Variants in MEGF11 observed in about 807,000 individuals in gnomAD.
The protein encoded by MEGF11 is multiple EGF like domains 11, also known as multiple epidermal growth factor-like domains protein 11.
MEGF11 carries 126 observed loss-of-function variants against 146.6 expected under a neutral mutation model. The observed-to-expected ratio is 0.86, with a 90% CI of 0.74 to 1.00. MEGF11 has a LOEUF of 1.00. MEGF11 is among the 50% of genes least tolerant of loss of function. The probability of loss-of-function intolerance (pLI) is 0.00; values close to 1 mark genes in which losing one functional copy is unlikely to be tolerated. For missense variants in MEGF11, 1,509 were observed against 1,521.2 expected, an observed-to-expected ratio of 0.99 and a Z score of 0.13; for synonymous variants, 532 against 583.4, an observed-to-expected ratio of 0.91 and a Z score of 1.27.
At chr15:66,138,040 G>A (rs187698570) in intron 1 of MEGF11, among the ~76,000 whole-genome samples, 24 of 152,242 alleles carry the variant, frequency 1.6e-4, no homozygotes, top group Non-Finnish European at 2.9e-4. Context: ...TCCAACCTGC[G>A]TGAGATGGCA....
intron 1 of MEGF11, among the ~76,000 whole-genome samples, chr15:66,242,508 A>AAGGGAGGG (rs1356280485): frequency 7.9e-6 from 1 of 126,762 alleles, no homozygotes; most frequent in Admixed American, 8.2e-5. Flanking sequence ...GGAGGGAGGG[A>AAGGGAGGG]AGGGAGGGAG....
chr15:66,032,206 C>T (rs778879385), intron 5 of MEGF11, among the ~76,000 whole-genome samples: 1 of 152,230 alleles, frequency 6.6e-6, no homozygotes, highest in Non-Finnish European at 1.5e-5. Context: ...GTGCCATGCT[C>T]TTGAACTTCC....
intron 5 of MEGF11, among the ~76,000 whole-genome samples, chr15:66,053,231 A>G (rs902653024): frequency 1.3e-5 from 2 of 152,196 alleles, no homozygotes; most frequent in Non-Finnish European, 2.9e-5. Context: ...ATGATTTTTC[A>G]TATCCTTTGT....
chr15:66,076,203 A>AGGATGGATGGAT (rs55758771), intron 5 of MEGF11, among the ~76,000 whole-genome samples: 13 of 148,800 alleles, frequency 8.7e-5, no homozygotes, highest in African/African-American at 1.2e-4. Flanking sequence ...ACTGACAGAC[A>AGGATGGATGGAT]GGATGGATGG....
chr15:65,917,998 A>G lies in MEGF11; in HGVS notation c.2054T>C (p.Phe685Ser). 1 of 1,614,026 alleles carries G rather than the reference A, an allele frequency of 6.2e-7. No individual in the cohort carries two copies. Among genetic ancestry groups the G allele is most frequent in the Non-Finnish European group, 8.5e-7 (1 of 1,179,888 alleles). The change falls in exon 16 of 26, where the codon TTT becomes TCT. Residue 685 changes from phenylalanine to serine, a missense_variant. Physicochemically the swap from Phe to Ser is radical, Grantham distance 155. Coordinates refer to ENST00000395614, the MANE Select transcript of MEGF11 (RefSeq NM_001385028.1). ...GCAGTCCTTGCCAATCCATCCAGGAAAGCACTGGCAGGAGCCATCGATAGG... is the reference window on the plus strand; with the variant it reads ...GCAGTCCTTGCCAATCCATCCAGGAGAGCACTGGCAGGAGCCATCGATAGG... ...CSPIDGSCQCFPGWIGKDCSQ... is the reference protein window; with the variant it reads ...CSPIDGSCQCSPGWIGKDCSQ...
chr15:66,057,856 C>A (rs557959836), intron 5 of MEGF11, among the ~76,000 whole-genome samples: 1 of 152,334 alleles, frequency 6.6e-6, no homozygotes, highest in East Asian at 1.9e-4. Flanking sequence ...CGAAAACCCC[C>A]TTTCAGCAGG....
At chr15:66,222,583 A>G (rs183591145) in intron 1 of MEGF11, among the ~76,000 whole-genome samples, 149 of 152,320 alleles carry the variant, frequency 9.8e-4, no homozygotes, top group African/African-American at 3.3e-3. Context: ...ACCGGGTCTC[A>G]TTCATCCTGG....
intron 11 of MEGF11, 138 bp downstream of exon 11, chr15:65,930,685 C>T (rs2079544904): frequency 9.1e-7 from 1 of 1,095,758 alleles, no homozygotes; most frequent in Non-Finnish European, 1.3e-6. Context: ...TGCCTGGAAC[C>T]CAACCAATAT....
At chr15:66,147,269 C>A (rs2089408592) in intron 1 of MEGF11, among the ~76,000 whole-genome samples, 1 of 152,204 alleles carries the variant, frequency 6.6e-6, no homozygotes, top group African/African-American at 2.4e-5. Flanking sequence ...CAAATGGCAC[C>A]TTACATGGTT....
intron 10 of MEGF11, among the ~76,000 whole-genome samples, chr15:65,944,898 GTT>G (rs35017817): frequency 1.6e-4 from 21 of 134,288 alleles, no homozygotes; most frequent in Non-Finnish European, 2.9e-4. Flanking sequence ...AAACTCTCAG[GTT>G]TTTTTTTTTT....
intron 13 of MEGF11, among the ~76,000 whole-genome samples, chr15:65,924,373 T>TGGG (rs72309249): frequency 1.5e-4 from 6 of 41,094 alleles, no homozygotes; most frequent in African/African-American, 4.4e-4. Context: ...GGGGTGTGGG[T>TGGG]GGGGGGGGGG....
At chr15:66,245,854 C>G in intron 1 of MEGF11, among the ~76,000 whole-genome samples, 1 of 152,200 alleles carries the variant, frequency 6.6e-6, no homozygotes, top group Non-Finnish European at 1.5e-5. Context: ...GCACTATGCT[C>G]TGAGGATGGC....
chr15:66,010,220 T>G, intron 5 of MEGF11, among the ~76,000 whole-genome samples: 1 of 144,004 alleles, frequency 6.9e-6, no homozygotes, highest in African/African-American at 2.6e-5. Context: ...TTTGAGACAG[T>G]CTCACTCTAT....
intron 5 of MEGF11, among the ~76,000 whole-genome samples, chr15:66,030,974 TTTAGGTCCTGCC>T (rs2083493723): frequency 1.3e-5 from 2 of 152,282 alleles, no homozygotes; most frequent in African/African-American, 4.8e-5. Flanking sequence ...TTTAGTAGGA[TTTAGGTCCTGCC>T]TGCACTTGCC....
intron 5 of MEGF11, among the ~76,000 whole-genome samples, chr15:66,070,022 G>A (rs1018224951): frequency 6.6e-6 from 1 of 152,196 alleles, no homozygotes; most frequent in Admixed American, 6.5e-5. Context: ...TTAGGGCGTG[G>A]CCTAGGCTCC....
intron 4 of MEGF11, among the ~76,000 whole-genome samples, chr15:66,100,175 A>G (rs1041289855): frequency 2.6e-5 from 4 of 152,072 alleles, no homozygotes; most frequent in African/African-American, 4.8e-5. Flanking sequence ...TCACTCTACC[A>G]GTGTTTACCG....
chr15:65,918,030 G>C lies in MEGF11; in HGVS notation c.2022C>G (p.Thr674=), dbSNP rs769319247. 6.2e-7 allele frequency: 1 copy of C among 1,614,020 alleles called. No individual in the cohort carries two copies. The highest frequency in any genetic ancestry group is 8.5e-7 in the Non-Finnish European group (1 of 1,179,894). ...AQLCSCANNG[T]CSPIDGSCQC... ...GGCAGGAGCCATCGATAGGGCTGCA[G>C]GTCCCGTTGTTGGCACAGGAGCAGA... Residue 674 remains threonine (T), a synonymous_variant, in exon 16 of 26, where the codon ACC becomes ACG. Transcript: ENST00000395614.
At chr15:65,977,898 C>T (rs1230727160) in intron 7 of MEGF11, among the ~76,000 whole-genome samples, 2 of 152,186 alleles carry the variant, frequency 1.3e-5, no homozygotes, top group African/African-American at 4.8e-5. Context: ...TCACATGAAA[C>T]TACTCAGACT....
At chr15:66,018,831 C>CT (rs2082990585) in intron 5 of MEGF11, among the ~76,000 whole-genome samples, 1 of 152,190 alleles carries the variant, frequency 6.6e-6, no homozygotes, top group Non-Finnish European at 1.5e-5. Context: ...GAGACTGACC[C>CT]TGGAGAGAGG....
Sources: gnomAD v4.1 joint callset for allele counts (sites outside exome capture counted in the v4.1 genomes callset) on GRCh38, gnomAD v4.1.1 for gene constraint, MANE v1.5 for transcripts, NCBI Gene and HGNC (gene_info 2026-07-23, HGNC 2026-07-21) for gene names.